Variants in DOP1A observed in about 807,000 individuals in gnomAD.
The protein encoded by DOP1A is DOP1 leucine zipper like protein A, also known as protein DOP1A.
Under a neutral mutation model 267.6 loss-of-function variants are expected in DOP1A, and 90 were observed. The ratio of observed to expected loss-of-function variants is 0.34; its 90% CI spans 0.28 to 0.40. DOP1A has a LOEUF of 0.40. Ranked by LOEUF, DOP1A falls within the 10% of genes least tolerant of loss-of-function variation. The pLI is 1.00. For missense variants in DOP1A, 2,437 were observed against 2,900.4 expected (o/e 0.84, Z 3.67); for synonymous variants, 932 against 999.1 (o/e 0.93, Z 1.27).
chr6:83,072,926 T>G, intron 1 of DOP1A: 1 of 331,404 alleles, frequency 3.0e-6, no homozygotes, highest in Non-Finnish European at 6.0e-6. Context: ...GTTTAAAAAT[T>G]TCCTGGAGAG....
intron 1 of DOP1A, among the ~76,000 whole-genome samples, chr6:83,068,383 A>G (rs1184252547): frequency 2.0e-5 from 3 of 152,330 alleles, no homozygotes; most frequent in East Asian, 1.9e-4. Flanking sequence ...CAACATAACA[A>G]TAGTCACTTG....
chr6:83,152,837 C>T (rs1406067570), intron 30 of DOP1A, among the ~76,000 whole-genome samples: 3 of 151,964 alleles, frequency 2.0e-5, no homozygotes, highest in East Asian at 1.9e-4. Flanking sequence ...AGGCTGGTCT[C>T]GAACTCCTGA....
intron 19 of DOP1A, among the ~76,000 whole-genome samples, chr6:83,135,186 A>C (rs1778690817): frequency 6.6e-6 from 1 of 152,072 alleles, no homozygotes; most frequent in African/African-American, 2.4e-5. Flanking sequence ...CATACCTTCC[A>C]CAGATCTTTC....
chr6:83,129,971 T>A, intron 16 of DOP1A, 152 bp from the exon 17 acceptor site: 1 of 877,864 alleles, frequency 1.1e-6, no homozygotes, highest in Non-Finnish European at 1.7e-6. Context: ...GTTGCTACTT[T>A]ATTAAAGCTC....
chr6:83,068,147 G>A (rs1241392724), intron 1 of DOP1A, among the ~76,000 whole-genome samples: 1 of 152,248 alleles, frequency 6.6e-6, no homozygotes, highest in Non-Finnish European at 1.5e-5. Context: ...GGTCGCACCT[G>A]TGCGATGGAG....
Position 83,140,261 on chromosome 6 carries a change from G to T in DOP1A, c.5273G>T (p.Arg1758Leu). 1 of 1,613,236 alleles carries T rather than the reference G, an allele frequency of 6.2e-7. No individual in the cohort carries two copies. Among genetic ancestry groups the T allele is most frequent in the Non-Finnish European group, 8.5e-7 (1 of 1,179,820 alleles). Residue 1758 changes from arginine (R) to leucine (L), a missense_variant, in exon 23 of 39, where the codon CGC (arginine) becomes CTC (leucine). Arg to Leu is a moderately radical substitution (Grantham distance 102). Around this residue, in one of 9 missense-constraint regions of DOP1A, gnomAD observed 307 missense variants for 308.6 expected, o/e 0.99. Coordinates refer to ENST00000349129, the MANE Select transcript of DOP1A (RefSeq NM_015018.4). The stretch of plus-strand genomic sequence containing the variant: ...GACCAGAAACACTTGTTTGAAGCAC[G>T]CAGTGGAATCCTCTCAATCCTTCAT... ...SVDQKHLFEARSGILSILHMI... is the reference protein window; with the variant it reads ...SVDQKHLFEALSGILSILHMI...
In DOP1A at chr6:83,151,910, A is replaced by G. The variant is rs1240342017; in HGVS notation, c.5932A>G (p.Ile1978Val). The G allele has an allele frequency of 3.7e-6, 6 of 1,613,722 alleles. No homozygotes were observed. The highest frequency in any genetic ancestry group is 5.1e-6 in the Non-Finnish European group (6 of 1,179,866). The change falls in exon 29 of 39, where the codon ATT becomes GTT. Residue 1978 changes from isoleucine to valine, a missense_variant. Transcript: ENST00000349129. The stretch of plus-strand genomic sequence containing the variant: ...TGTAACTCACAAAATAGTGGATGCA[A>G]TTGGTGCAATTGCTGGTTCTTCTCT... ...QDVTHKIVDA[I>V]GAIAGSSLEQ...
chr6:83,111,588 C>T (rs1285281708), intron 6 of DOP1A, among the ~76,000 whole-genome samples: 2 of 151,976 alleles, frequency 1.3e-5, no homozygotes, highest in Non-Finnish European at 2.9e-5. Flanking sequence ...AAAGTATTCT[C>T]ATTGTGGTTT....
At position 83,162,886 on chromosome 6, in the gene DOP1A, A is replaced by G. The variant is rs1173602988; in HGVS notation, c.7059A>G (p.Val2353=). The G allele has an allele frequency of 1.2e-6, 2 of 1,613,014 alleles. No individual in the cohort carries two copies. Among genetic ancestry groups the G allele is most frequent in the Non-Finnish European group, 1.7e-6 (2 of 1,179,418 alleles). The part of the protein sequence containing the change: ...IHQREFKPYV[V]RLAKLLRKRA... ...AACGAGAATTTAAACCTTACGTGGT[A>G]CGACTAGCAAAACTTCTTCGGAAAA... Residue 2353 remains valine (V), a synonymous_variant, in exon 38 of 39, where the codon GTA becomes GTG. Coordinates refer to ENST00000349129, the MANE Select transcript of DOP1A (RefSeq NM_015018.4).
intron 31 of DOP1A, 33 bp from the exon 32 acceptor site, chr6:83,153,861 C>A: frequency 6.3e-7 from 1 of 1,579,798 alleles, no homozygotes; most frequent in Non-Finnish European, 8.6e-7. Flanking sequence ...AAAGTTAGGA[C>A]ACGTAGGTTA....
At chr6:83,080,959 CAAA>C (rs1043225369) in intron 1 of DOP1A, among the ~76,000 whole-genome samples, 1 of 151,910 alleles carries the variant, frequency 6.6e-6, no homozygotes, top group Non-Finnish European at 1.5e-5. Context: ...CCATCTTGAG[CAAA>C]AAAACAAAGC....
chr6:83,146,180 G>A (rs569638014), intron 25 of DOP1A, among the ~76,000 whole-genome samples: 24 of 152,084 alleles, frequency 1.6e-4, no homozygotes, highest in Non-Finnish European at 3.4e-4. Context: ...TGTGTTTCTA[G>A]GCAAAAATAA....
At position 83,140,333 on chromosome 6, in the gene DOP1A, C is replaced by G; in HGVS notation, c.5345C>G (p.Ala1782Gly). ...CTGCTTTGGAGCATACTGCATCAAG[C>G]TGATTCTTCAGAAAAGATGACTATT... ...VTLLWSILHQ[A>G]DSSEKMTIAA... Residue 1782 changes from alanine to glycine, a missense_variant, in exon 23 of 39, where the codon GCT (alanine) becomes GGT (glycine). This residue lies in a region of DOP1A where 307 missense variants were observed against 308.6 expected (regional missense o/e 0.99). Transcript: ENST00000349129. 1 of 1,613,424 alleles carries G rather than the reference C, an allele frequency of 6.2e-7. No individual in the cohort carries two copies. The highest frequency in any genetic ancestry group is 8.5e-7 in the Non-Finnish European group (1 of 1,179,872).
chr6:83,070,598 G>A (rs1236139367), intron 1 of DOP1A, among the ~76,000 whole-genome samples: 3 of 152,172 alleles, frequency 2.0e-5, no homozygotes, highest in African/African-American at 7.2e-5. Flanking sequence ...TACTCTCTGA[G>A]AATGTTCTTC....
chr6:83,148,900 G>A (rs1316476970), intron 27 of DOP1A, 37 bp downstream of exon 27: 2 of 1,277,202 alleles, frequency 1.6e-6, no homozygotes, highest in African/African-American at 1.6e-5. Flanking sequence ...CAAATAAAAG[G>A]ATAATGTTAA....
chr6:83,160,090 C>A (rs980402866), intron 37 of DOP1A, 130 bp downstream of exon 37: 2 of 878,538 alleles, frequency 2.3e-6, no homozygotes, highest in Non-Finnish European at 3.4e-6. Flanking sequence ...AAATGTAATT[C>A]TTTTGGCACA....
Position 83,118,944 on chromosome 6 carries a change from G to A in DOP1A, c.837G>A (p.Arg279=). 11 of 1,613,660 alleles carry A rather than the reference G, an allele frequency of 6.8e-6. No homozygotes were observed. The highest frequency in any genetic ancestry group is 9.3e-6 in the Non-Finnish European group (11 of 1,179,696). The change falls in exon 8 of 39, where the codon AGG becomes AGA. Residue 279 remains arginine (R), a synonymous_variant. Coordinates refer to ENST00000349129, the MANE Select transcript of DOP1A (RefSeq NM_015018.4). ...ILSAALHVVL[R]RDMSLNRRLY... ...CAGCAGCCCTTCATGTAGTGCTAAGGAGGGATATGTCTCTGAATCGAAGAC... is the reference window on the plus strand; with the variant it reads ...CAGCAGCCCTTCATGTAGTGCTAAGAAGGGATATGTCTCTGAATCGAAGAC...
intron 4 of DOP1A, among the ~76,000 whole-genome samples, chr6:83,103,988 A>G (rs1773090358): frequency 6.6e-6 from 1 of 152,228 alleles, no homozygotes; most frequent in African/African-American, 2.4e-5. Context: ...TTGAAGAACC[A>G]AAAGTTCTTT....
At position 83,124,776 on chromosome 6, in the gene DOP1A, A is replaced by T; in HGVS notation, c.1412A>T (p.Asn471Ile). Residue 471 changes from asparagine (N) to isoleucine (I), a missense_variant, in exon 13 of 39, where the codon AAT becomes ATT. Physicochemically the swap from Asn to Ile is moderately radical, Grantham distance 149. Around this residue, in one of 9 missense-constraint regions of DOP1A, gnomAD observed 498 missense variants for 513.5 expected, o/e 0.97. Transcript: ENST00000349129. ...GACTCATCTGAATTACAGCTGACCA[A>T]TTTCTGCTTACTGGTGGATTTTTTG... ...SNDSSELQLT[N>I]FCLLVDFLLD... 1 of 1,613,282 alleles carries T rather than the reference A, an allele frequency of 6.2e-7. No homozygotes were observed. The highest frequency in any genetic ancestry group is 8.5e-7 in the Non-Finnish European group (1 of 1,179,574).
Sources: gnomAD v4.1 joint callset for allele counts (sites outside exome capture counted in the v4.1 genomes callset) on GRCh38, gnomAD v4.1.1 for gene constraint, gnomAD v4.1.1 regional missense constraint, MANE v1.5 for transcripts, NCBI Gene and HGNC (gene_info 2026-07-23, HGNC 2026-07-21) for gene names.